Variants in CFAP43 observed in about 807,000 individuals in gnomAD.
The protein encoded by CFAP43 is cilia and flagella associated protein 43.
In CFAP43, 155 loss-of-function variants were observed where a neutral mutation model predicts 218.9. The ratio of observed to expected loss-of-function variants is 0.71; its 90% CI spans 0.62 to 0.81. The LOEUF is 0.81. CFAP43 is among the 30% of genes least tolerant of loss of function. CFAP43 has a pLI of 0.00. For synonymous variants in CFAP43, 645 were observed against 681.3 expected, an observed-to-expected ratio of 0.95 and a Z score of 0.83; for missense variants, 1,778 against 1,954.3, an observed-to-expected ratio of 0.91 and a Z score of 1.70.
chr10:104,222,779 T>G (rs2091216593), intron 3 of CFAP43, among the ~76,000 whole-genome samples: 1 of 152,116 alleles, frequency 6.6e-6, no homozygotes, highest in Non-Finnish European at 1.5e-5. Flanking sequence ...ACCTAAAATG[T>G]ACCTGAGATA....
intron 10 of CFAP43, among the ~76,000 whole-genome samples, chr10:104,194,376 TTTAAAAGAAA>T (rs1341263384): frequency 2.0e-5 from 3 of 152,212 alleles, no homozygotes; most frequent in Admixed American, 1.3e-4. Context: ...AAATAAGGAA[TTTAAAAGAAA>T]TTCTTAGCAT....
At chr10:104,166,217 G>T (rs2089143257) in intron 23 of CFAP43, among the ~76,000 whole-genome samples, 1 of 152,206 alleles carries the variant, frequency 6.6e-6, no homozygotes, top group African/African-American at 2.4e-5. Flanking sequence ...GGGATTACAG[G>T]CACGCACCAC....
chr10:104,142,036 A>G (rs1195012116), intron 33 of CFAP43, among the ~76,000 whole-genome samples: 2 of 152,252 alleles, frequency 1.3e-5, no homozygotes, highest in Non-Finnish European at 1.5e-5. Flanking sequence ...CCGACTTAAA[A>G]CAATACTAAG....
chr10:104,208,437 C>CT (rs1289952414), intron 5 of CFAP43, among the ~76,000 whole-genome samples: 6 of 151,844 alleles, frequency 4.0e-5, no homozygotes, highest in Non-Finnish European at 2.9e-5. Context: ...TTGTATGTGG[C>CT]TTTTTTTTCT....
chr10:104,179,739 C>G (rs1357222520), intron 18 of CFAP43, 101 bp downstream of exon 18: 6 of 873,212 alleles, frequency 6.9e-6, no homozygotes, highest in Non-Finnish European at 1.1e-5. Flanking sequence ...AGTGGTGTCT[C>G]ATTCCATCTT....
chr10:104,184,646 C>A (rs2089972240), intron 16 of CFAP43, among the ~76,000 whole-genome samples: 1 of 152,144 alleles, frequency 6.6e-6, no homozygotes, highest in South Asian at 2.1e-4. Context: ...TCGGGGCCAC[C>A]ATTTCCCCAC....
chr10:104,209,013 T>C (rs1009584126), intron 5 of CFAP43, among the ~76,000 whole-genome samples: 1 of 152,226 alleles, frequency 6.6e-6, no homozygotes, highest in African/African-American at 2.4e-5. Context: ...GAATAGATAA[T>C]GGGATTATTT....
rs751828090 is a variant in CFAP43 at position 104,166,727 on chromosome 10, A to G, written c.2809-9T>C. On this transcript the variant is annotated splice_polypyrimidine_tract_variant and intron_variant, in intron 22 of 37. Transcript: ENST00000357060. ...ACAATTTCCTTCCGTAGCTACATGT[A>G]GAAAAAGATGACACAGAAGTTATGC... The G allele has an allele frequency of 2.5e-6, 4 of 1,592,356 alleles. No individual in the cohort carries two copies. The highest frequency in any genetic ancestry group is 3.4e-6 in the Non-Finnish European group (4 of 1,169,644).
chr10:104,187,471 T>C lies in CFAP43; in HGVS notation c.1709A>G (p.Glu570Gly), dbSNP rs147857556. Residue 570 changes from glutamate to glycine, a missense_variant, in exon 14 of 38, where the codon GAA becomes GGA. Physicochemically the swap from Glu to Gly is moderately conservative, Grantham distance 98. Transcript: ENST00000357060. ...GATTTCATCTTTCAGCCTTCCTCTT[T>C]CATCAGCAAAGGTTGTGGAAACTAT... The part of the protein sequence containing the change: ...LPQVSTTFAD[E>G]RGRLKDEIIH... 2 of 1,593,920 alleles carry C rather than the reference T, an allele frequency of 1.3e-6. No individual in the cohort carries two copies. Among genetic ancestry groups the C allele is most frequent in the Non-Finnish European group, 1.7e-6 (2 of 1,171,830 alleles).
chr10:104,230,906 A>C, intron 1 of CFAP43, 63 bp from the exon 2 acceptor site: 2 of 1,470,384 alleles, frequency 1.4e-6, no homozygotes, highest in Non-Finnish European at 1.8e-6. Context: ...TTTTTTAACA[A>C]AGCAAAGGGT....
chr10:104,222,962 A>G (rs766858143), intron 3 of CFAP43, among the ~76,000 whole-genome samples: 31 of 152,250 alleles, frequency 2.0e-4, no homozygotes, highest in Non-Finnish European at 3.8e-4. Context: ...AGGACCAGAC[A>G]GTTAATCTTT....
In CFAP43 at chr10:104,167,692, G is replaced by A. The variant is rs201660517; in HGVS notation, c.2737C>T (p.Arg913Cys). 9.4e-5 allele frequency: 152 copies of A among 1,611,632 alleles called. No homozygotes were observed. Among genetic ancestry groups the A allele is most frequent in the Non-Finnish European group, 1.1e-4 (134 of 1,179,418 alleles). Residue 913 changes from arginine to cysteine, a missense_variant, in exon 22 of 38, where the codon CGC becomes TGC. Transcript: ENST00000357060. ...CVVENFPMKARTVEELKELER... is the reference protein window; with the variant it reads ...CVVENFPMKACTVEELKELER... Reference sequence around the variant, plus strand: ...AATTCTTTCAGCTCTTCAACCGTGCGCGCTTTCATCGGGAAGTTTTCAACC... The same window carrying A: ...AATTCTTTCAGCTCTTCAACCGTGCACGCTTTCATCGGGAAGTTTTCAACC...
intron 32 of CFAP43, among the ~76,000 whole-genome samples, 190 bp downstream of exon 32, chr10:104,143,236 G>C (rs2087790156): frequency 6.6e-6 from 1 of 152,078 alleles, no homozygotes; most frequent in Non-Finnish European, 1.5e-5. Flanking sequence ...CAGTCTAAAA[G>C]CAACAGGCCT....
At chr10:104,213,830 C>T (rs138206440) in intron 4 of CFAP43, among the ~76,000 whole-genome samples, 7 of 152,120 alleles carry the variant, frequency 4.6e-5, no homozygotes, top group Non-Finnish European at 7.4e-5. Context: ...CCACTGCACT[C>T]GGCCAATCTG....
intron 27 of CFAP43, among the ~76,000 whole-genome samples, chr10:104,155,322 C>A (rs2088484441): frequency 6.6e-6 from 1 of 152,150 alleles, no homozygotes; most frequent in African/African-American, 2.4e-5. Flanking sequence ...AAGCCTCTAT[C>A]AGGAGCACTC....
intron 31 of CFAP43, 39 bp downstream of exon 31, chr10:104,145,437 C>CT (rs766159620): frequency 9.6e-6 from 14 of 1,464,004 alleles, no homozygotes; most frequent in Non-Finnish European, 9.4e-6. Flanking sequence ...TATTTGCAAA[C>CT]TTTTTTCTCA....
intron 19 of CFAP43, among the ~76,000 whole-genome samples, chr10:104,177,261 G>A (rs937262454): frequency 6.6e-6 from 1 of 152,166 alleles, no homozygotes; most frequent in Non-Finnish European, 1.5e-5. Context: ...GGCAGAGTAA[G>A]GAGAGCCAGC....
intron 9 of CFAP43, 139 bp downstream of exon 9, chr10:104,197,783 A>C: frequency 1.7e-6 from 1 of 587,528 alleles, no homozygotes. Context: ...CACAGTCTTC[A>C]AGGACAGCCT....
chr10:104,174,618 A>G (rs2089541397), intron 19 of CFAP43, among the ~76,000 whole-genome samples: 1 of 152,270 alleles, frequency 6.6e-6, no homozygotes, highest in South Asian at 2.1e-4. Context: ...GGTATAAACT[A>G]TAAGATACCT....
Sources: gnomAD v4.1 joint callset for allele counts (sites outside exome capture counted in the v4.1 genomes callset) on GRCh38, gnomAD v4.1.1 for gene constraint, MANE v1.5 for transcripts, NCBI Gene and HGNC (gene_info 2026-07-23, HGNC 2026-07-21) for gene names.